Variants in UQCC1 observed in about 807,000 individuals in gnomAD.
UQCC1 encodes the protein bFGF-repressed Zic-binding protein.
UQCC1 carries 38 observed loss-of-function variants against 48.0 expected under a neutral mutation model. The ratio of observed to expected loss-of-function variants is 0.79; its 90% CI spans 0.61 to 1.04. The LOEUF (loss-of-function observed/expected upper bound fraction) is 1.04, where lower values mean the gene tolerates loss of function less well. Ranked by LOEUF, UQCC1 falls within the 50% of genes least tolerant of loss-of-function variation. The pLI, the probability that UQCC1 is intolerant of heterozygous loss-of-function variation, is 0.00. For synonymous variants in UQCC1, 111 were observed against 129.2 expected (o/e 0.86, Z 0.95); for missense variants, 368 against 381.8 (o/e 0.96, Z 0.30).
intron 2 of UQCC1, chr20:35,386,393 A>G (rs1003663029): frequency 2.3e-5 from 10 of 438,304 alleles, no homozygotes; most frequent in African/African-American, 2.0e-4. Context: ...TTTAACCCTA[A>G]CGAAGAAAAA....
chr20:35,376,456 A>C (rs1600975569), intron 4 of UQCC1, among the ~76,000 whole-genome samples: 1 of 152,358 alleles, frequency 6.6e-6, no homozygotes, highest in African/African-American at 2.4e-5. Flanking sequence ...TAATAAGGGA[A>C]TCCTATGAAC....
chr20:35,341,747 C>T (rs1220243263), intron 7 of UQCC1, among the ~76,000 whole-genome samples: 1 of 152,046 alleles, frequency 6.6e-6, no homozygotes, highest in African/African-American at 2.4e-5. Flanking sequence ...GGAATTGAGG[C>T]TGGGGTGTTA....
intron 2 of UQCC1, among the ~76,000 whole-genome samples, chr20:35,387,999 T>C (rs897563447): frequency 1.5e-4 from 23 of 152,006 alleles, no homozygotes; most frequent in Non-Finnish European, 1.0e-4. Context: ...TTTTTTTTTT[T>C]TTGAGACGGA....
At chr20:35,346,845 C>A in intron 7 of UQCC1, 1 of 751,670 alleles carries the variant, frequency 1.3e-6, no homozygotes, top group South Asian at 1.9e-5. Flanking sequence ...GTATAGTATC[C>A]TTAACTGGAT....
intron 7 of UQCC1, among the ~76,000 whole-genome samples, chr20:35,319,381 A>C (rs1156491551): frequency 1.3e-5 from 2 of 152,224 alleles, no homozygotes; most frequent in African/African-American, 4.8e-5. Flanking sequence ...AGCAGGTCTC[A>C]GCTGAAATGG....
chr20:35,332,891 T>C (rs183561462), intron 7 of UQCC1, among the ~76,000 whole-genome samples: 4 of 152,216 alleles, frequency 2.6e-5, no homozygotes, highest in Non-Finnish European at 5.9e-5. Context: ...TCGTTTCATA[T>C]CTTAATTTCA....
intron 7 of UQCC1, among the ~76,000 whole-genome samples, chr20:35,332,933 C>T (rs1193072856): frequency 6.6e-6 from 1 of 152,152 alleles, no homozygotes; most frequent in Non-Finnish European, 1.5e-5. Context: ...AACAAAAACC[C>T]TTTGATGGAG....
At chr20:35,307,267 G>A (rs1487600269) in intron 8 of UQCC1, among the ~76,000 whole-genome samples, 6 of 152,172 alleles carry the variant, frequency 3.9e-5, no homozygotes, top group Admixed American at 3.9e-4. Context: ...CAAGGCAACT[G>A]GTCCTTGGGG....
chr20:35,366,747 T>C (rs1036993339), intron 5 of UQCC1, 133 bp from the exon 6 acceptor site: 9 of 687,998 alleles, frequency 1.3e-5, no homozygotes, highest in African/African-American at 9.1e-5. Flanking sequence ...AGTAGAACAA[T>C]AGGGCGAGAC....
At chr20:35,333,486 T>A (rs2061280156) in intron 7 of UQCC1, among the ~76,000 whole-genome samples, 1 of 152,336 alleles carries the variant, frequency 6.6e-6, no homozygotes, top group Non-Finnish European at 1.5e-5. Context: ...GGGACTGCTA[T>A]ACCATTCTCA....
intron 1 of UQCC1, among the ~76,000 whole-genome samples, chr20:35,400,052 A>G (rs1004249823): frequency 1.3e-5 from 2 of 150,698 alleles, no homozygotes; most frequent in African/African-American, 2.4e-5. Context: ...CAGCCTGCCG[A>G]GTAGCTGGGA....
intron 7 of UQCC1, among the ~76,000 whole-genome samples, chr20:35,326,987 C>T (rs929834960): frequency 6.6e-6 from 1 of 152,160 alleles, no homozygotes; most frequent in Admixed American, 6.5e-5. Flanking sequence ...CCTAGAGGAT[C>T]TAAAGGCAAC....
chr20:35,347,798 A>C (rs1219104476), intron 6 of UQCC1, among the ~76,000 whole-genome samples: 1 of 152,242 alleles, frequency 6.6e-6, no homozygotes, highest in Non-Finnish European at 1.5e-5. Flanking sequence ...TCAAAGATTT[A>C]GTTGAAGAAA....
chr20:35,332,903 C>G (rs1212070324), intron 7 of UQCC1, among the ~76,000 whole-genome samples: 4 of 152,170 alleles, frequency 2.6e-5, no homozygotes, highest in Non-Finnish European at 5.9e-5. Flanking sequence ...TTAATTTCAA[C>G]CTAATAAAAC....
chr20:35,343,848 G>T (rs2061406448), intron 7 of UQCC1, among the ~76,000 whole-genome samples: 1 of 152,128 alleles, frequency 6.6e-6, no homozygotes, highest in African/African-American at 2.4e-5. Context: ...GAAACTTACT[G>T]AATCAGAATC....
intron 1 of UQCC1, among the ~76,000 whole-genome samples, chr20:35,395,940 T>C (rs1026091144): frequency 6.6e-6 from 1 of 152,040 alleles, no homozygotes; most frequent in East Asian, 1.9e-4. Flanking sequence ...CTTCTGGCAT[T>C]TTATGATTAG....
In UQCC1 at chr20:35,388,308, T is replaced by TTTTTG. The variant is rs67663221; in HGVS notation, c.130-4176_130-4175insCAAAA. Among the ~76,000 whole-genome samples, 5 of 121,246 alleles carry TTTTTG rather than the reference T, an allele frequency of 4.1e-5. 2 individuals carry two copies. Among genetic ancestry groups the TTTTTG allele is most frequent in the Non-Finnish European group, 6.6e-5 (4 of 60,396 alleles). 79.5% of individuals were successfully genotyped at this position (121,246 alleles called of 152,430 possible). A position where few individuals can be genotyped will look rare whatever the true frequency, so the allele number is the denominator to read the frequency against. ...TTCTATTTCTTTTTTTCTTTTTTTT[T>TTTTTG]GAGACAGGGTCTTGCTCTGTCACCC... On this transcript the variant is annotated intron_variant, in intron 2 of 9. Coordinates refer to ENST00000374385, the MANE Select transcript of UQCC1 (RefSeq NM_018244.5).
chr20:35,409,683 T>A (rs1351547964), intron 1 of UQCC1, among the ~76,000 whole-genome samples: 1 of 152,166 alleles, frequency 6.6e-6, no homozygotes, highest in Non-Finnish European at 1.5e-5. Context: ...CTGTAGTCAT[T>A]CAACAATAGC....
At chr20:35,311,947 A>T (rs1362762124) in intron 8 of UQCC1, among the ~76,000 whole-genome samples, 1 of 152,218 alleles carries the variant, frequency 6.6e-6, no homozygotes, top group African/African-American at 2.4e-5. Flanking sequence ...TTTAGATTTT[A>T]AAAGCACCCC....
Sources: allele counts gnomAD v4.1 joint callset (sites outside exome capture counted in the v4.1 genomes callset), GRCh38; gene constraint gnomAD v4.1.1; transcripts MANE v1.5; gene names NCBI Gene and HGNC (gene_info 2026-07-23, HGNC 2026-07-21).